The following CACNB3 variants were observed in gnomAD, a reference collection of about 807,000 sequenced individuals.
CACNB3 encodes the protein calcium voltage-gated channel auxiliary subunit beta 3.
Under a neutral mutation model 63.7 loss-of-function variants are expected in CACNB3, and 36 were observed. The ratio of observed to expected loss-of-function variants is 0.57; its 90% confidence interval spans 0.43 to 0.75. CACNB3 has a LOEUF of 0.75. Ranked by LOEUF, CACNB3 falls within the 30% of genes least tolerant of loss-of-function variation. CACNB3 has a pLI of 0.00. For synonymous variants in CACNB3, 241 were observed against 250.6 expected (o/e 0.96, Z 0.36); for missense variants, 493 against 648.6 (o/e 0.76, Z 2.61).
Position 48,828,667 on chromosome 12 carries a change from A to AG in CACNB3, c.*774dup, listed in dbSNP as rs925421485. 1.3e-5 allele frequency: 6 copies of AG among 456,264 alleles called. No homozygotes were observed. The highest frequency in any genetic ancestry group is 1.4e-4 in the East Asian group (2 of 14,406). The allele number at this position is 456,264 out of a possible 1,614,324, so 28.3% of individuals were successfully genotyped here. On this transcript the variant is annotated 3_prime_UTR_variant, in exon 13 of 13. Coordinates refer to ENST00000301050, the MANE Select transcript of CACNB3 (RefSeq NM_000725.4). Reference sequence around the variant, plus strand: ...GGAGGGCATGTGTAGCAGAGAACTTAGGGGGGCCTCCTTGCCTTTCTCATT... The same window carrying AG: ...GGAGGGCATGTGTAGCAGAGAACTTAGGGGGGGCCTCCTTGCCTTTCTCATT...
intron 12 of CACNB3, among the ~76,000 whole-genome samples, 162 bp from the exon 13 acceptor site, chr12:48,827,423 A>G (rs1268155646): frequency 6.6e-6 from 1 of 152,212 alleles, no homozygotes; most frequent in South Asian, 2.1e-4. Flanking sequence ...TCGAAGCTCC[A>G]GTTTTCTCTC....
upstream of CACNB3, chr12:48,818,317 C>A: frequency 3.8e-6 from 1 of 264,814 alleles, no homozygotes; most frequent in Non-Finnish European, 5.9e-6. This position sits in a 1 kb window ranked among gnomAD's most constrained non-coding sequence, Gnocchi z 4.3. Context: ...ACACCTGCGC[C>A]CTCTCCAGTC....
chr12:48,825,838 C>A lies in CACNB3; in HGVS notation c.742+69C>A. 8.9e-7 allele frequency: 1 copy of A among 1,129,160 alleles called. No individual in the cohort carries two copies. The highest frequency in any genetic ancestry group is 1.3e-5 in the South Asian group (1 of 77,372). 69.9% of individuals were successfully genotyped at this position (1,129,160 alleles called of 1,614,324 possible). The stretch of plus-strand genomic sequence containing the variant: ...AGTGAGAACCTTCCTCCTCCCTTTT[C>A]TTTTTTTTGAGATGGAGTCTCGCTC... On this transcript the variant is annotated intron_variant, in intron 9 of 12. Transcript: ENST00000301050. The surrounding 1 kb of genome is among the most constrained non-coding windows in gnomAD (Gnocchi z 4.5).
chr12:48,828,180 C>T lies in CACNB3; in HGVS notation c.*281C>T. The T allele has an allele frequency of 2.0e-6, 1 of 504,492 alleles. No homozygotes were observed. Among genetic ancestry groups the T allele is most frequent in the South Asian group, 2.2e-5 (1 of 45,398 alleles). The allele number at this position is 504,492 out of a possible 1,614,324, so 31.3% of individuals were successfully genotyped here. ...TCCTCTCCTCCCACACAGGAAGCTG[C>T]CCCACTGGGCAGTGCCCTCAGGCCA... On this transcript the variant is annotated 3_prime_UTR_variant, in exon 13 of 13. Transcript: ENST00000301050.
rs747607639 is a variant in CACNB3 at position 48,827,814 on chromosome 12, A to G, written c.1370A>G (p.Asp457Gly). Reference sequence around the variant, plus strand: ...AGTGCTAACGGGCATGACCCCCAAGACCGGCTTCTAGCCCAGGACTCAGAG... The same window carrying G: ...AGTGCTAACGGGCATGACCCCCAAGGCCGGCTTCTAGCCCAGGACTCAGAG... ...LPSANGHDPQ[D>G]RLLAQDSEHN... Residue 457 changes from aspartate (D) to glycine (G), a missense_variant, in exon 13 of 13, where the codon GAC (aspartate) becomes GGC (glycine). Transcript: ENST00000301050. 1 of 1,614,126 alleles carries G rather than the reference A, an allele frequency of 6.2e-7. No individual in the cohort carries two copies. The highest frequency in any genetic ancestry group is 8.5e-7 in the Non-Finnish European group (1 of 1,180,012).
Position 48,826,172 on chromosome 12 carries a change from A to G in CACNB3, c.743-195A>G. 3.3e-6 allele frequency: 2 copies of G among 602,896 alleles called. No homozygotes were observed. Among genetic ancestry groups the G allele is most frequent in the Middle Eastern group, 4.4e-4 (1 of 2,256 alleles). 37.3% of individuals were successfully genotyped at this position (602,896 alleles called of 1,614,324 possible). On this transcript the variant is annotated intron_variant, in intron 9 of 12. Transcript: ENST00000301050. This position sits in a 1 kb window ranked among gnomAD's most constrained non-coding sequence, Gnocchi z 4.8. Reference sequence around the variant, plus strand: ...CCTTACCTCCTTGTCTTTCTGCCCAACTCCTCTACCTGCCCCCAGGATTGG... The same window carrying G: ...CCTTACCTCCTTGTCTTTCTGCCCAGCTCCTCTACCTGCCCCCAGGATTGG...
intron 1 of CACNB3, among the ~76,000 whole-genome samples, chr12:48,819,205 A>G (rs1021576439): frequency 2.0e-5 from 3 of 151,940 alleles, no homozygotes; most frequent in African/African-American, 7.3e-5. Context: ...GTATAGGGGA[A>G]GGGCTCAAGC....
chr12:48,816,021 C>T (rs1323627670), upstream of CACNB3, among the ~76,000 whole-genome samples: 8 of 152,182 alleles, frequency 5.3e-5, no homozygotes, highest in East Asian at 1.9e-4. Context: ...GCTCCCCTAG[C>T]GCCTGTCCCT....
In CACNB3 at chr12:48,825,561, TAGCTAGTCTTCTCTA is replaced by T. The variant is rs1184749146; in HGVS notation, c.632+72_633-82del. The T allele has an allele frequency of 6.3e-7, 1 of 1,587,948 alleles. No homozygotes were observed. Among genetic ancestry groups the T allele is most frequent in the African/African-American group, 1.3e-5 (1 of 74,320 alleles). ...CTCATGGCCTACTTCCAGATGCCTG[TAGCTAGTCTTCTCTA>T]AGGGAAGAGTTAGTGGGAGCTGAGT... On this transcript the variant is annotated intron_variant, in intron 8 of 12. Transcript: ENST00000301050. The surrounding 1 kb of genome is among the most constrained non-coding windows in gnomAD (Gnocchi z 4.5).
chr12:48,821,896 A>G lies in CACNB3; in HGVS notation c.46-1448A>G, dbSNP rs530261512. 2.6e-5 allele frequency among the ~76,000 whole-genome samples: 4 copies of G among 152,280 alleles called. No individual in the cohort carries two copies. In the South Asian group the frequency reaches 8.3e-4, roughly 32 times the overall value. On this transcript the variant is annotated intron_variant, in intron 1 of 12. Transcript: ENST00000301050. ...GCTATCTTCAGGCCTTTGGTCTACT[A>G]TAGACACTGTCTTTAGCCTAAGGCT...
chr12:48,828,316 G>A lies in CACNB3; in HGVS notation c.*417G>A, dbSNP rs1371764615. 1 of 308,134 alleles carries A rather than the reference G, an allele frequency of 3.2e-6. No homozygotes were observed. The highest frequency in any genetic ancestry group is 6.4e-6 in the Non-Finnish European group (1 of 157,316). 19.1% of individuals were successfully genotyped at this position (308,134 alleles called of 1,614,324 possible). ...GGCATGAGGAAGAAACAAGGTCCCT[G>A]AGCAGGCACAAGTCCTGACAGTCAA... On this transcript the variant is annotated 3_prime_UTR_variant, in exon 13 of 13. Coordinates refer to ENST00000301050, the MANE Select transcript of CACNB3 (RefSeq NM_000725.4).
At chr12:48,818,358 C>T, upstream of CACNB3, 1 of 725,018 alleles carries the variant, frequency 1.4e-6, no homozygotes, top group Non-Finnish European at 1.7e-6. This position sits in a 1 kb window ranked among gnomAD's most constrained non-coding sequence, Gnocchi z 4.3. Flanking sequence ...CTCGCGGTCT[C>T]AGCGCCCCCT....
In CACNB3 at chr12:48,818,578, C is replaced by T; in HGVS notation, c.-352C>T. On this transcript the variant is annotated 5_prime_UTR_variant, in exon 1 of 13. Coordinates refer to ENST00000301050, the MANE Select transcript of CACNB3 (RefSeq NM_000725.4). This position sits in a 1 kb window ranked among gnomAD's most constrained non-coding sequence, Gnocchi z 4.3. ...GCACGGGTTCGTTCCCCTCTCCCGG[C>T]CTGGCCCGGGCTCCCCGGTGGCCGC... 7.4e-6 allele frequency: 8 copies of T among 1,079,096 alleles called. No homozygotes were observed. Among genetic ancestry groups the T allele is most frequent in the South Asian group, 3.3e-5 (1 of 30,166 alleles). 66.8% of individuals were successfully genotyped at this position (1,079,096 alleles called of 1,614,324 possible).
At chr12:48,819,470 A>C (rs891631185) in intron 1 of CACNB3, among the ~76,000 whole-genome samples, 1 of 152,126 alleles carries the variant, frequency 6.6e-6, no homozygotes, top group African/African-American at 2.4e-5. Flanking sequence ...CTTCAGACAG[A>C]CGGATCCTAA....
At position 48,827,231 on chromosome 12, in the gene CACNB3, G is replaced by A. The variant is rs1368696266; in HGVS notation, c.1140+108G>A. 5.1e-6 allele frequency: 7 copies of A among 1,359,448 alleles called. No homozygotes were observed. In the South Asian group the frequency reaches 6.6e-5, roughly 13 times the overall value. The allele number at this position is 1,359,448 out of a possible 1,614,324, so 84.2% of individuals were successfully genotyped here. On this transcript the variant is annotated intron_variant, in intron 12 of 12. Transcript: ENST00000301050. ...CTCCAGTTCAGCATGCCAAAGGATT[G>A]TAGAACTCTCAGCTCTGCTGTACAG...
At position 48,825,272 on chromosome 12, in the gene CACNB3, TCACCTCTAC is replaced by T. The variant is rs1938066981; in HGVS notation, c.573+32_573+40del. ...AGAGGAGGTCCTTGACCCCAAAGAGTCACCTCTACCAAGCCTGCCACAGGAAGTCCCTAG... is the reference window on the plus strand; with the variant it reads ...AGAGGAGGTCCTTGACCCCAAAGAGTCAAGCCTGCCACAGGAAGTCCCTAG... On this transcript the variant is annotated intron_variant, in intron 7 of 12. Transcript: ENST00000301050. The surrounding 1 kb of genome is among the most constrained non-coding windows in gnomAD (Gnocchi z 4.5). 2 of 1,604,860 alleles carry T rather than the reference TCACCTCTAC, an allele frequency of 1.2e-6. No homozygotes were observed.
chr12:48,818,344 C>T, upstream of CACNB3: 1 of 521,268 alleles, frequency 1.9e-6, no homozygotes, highest in Non-Finnish European at 2.5e-6. The surrounding 1 kb of genome is among the most constrained non-coding windows in gnomAD (Gnocchi z 4.3). Context: ...CGGGTCGCGT[C>T]TCCCTCGCGG....
In CACNB3 at chr12:48,827,891, A is replaced by G. The variant is rs1305689093; in HGVS notation, c.1447A>G (p.Ser483Gly). Residue 483 changes from serine (S) to glycine (G), a missense_variant, in exon 13 of 13, where the codon AGC (serine) becomes GGC (glycine). Ser to Gly is a moderately conservative substitution (Grantham distance 56). Coordinates refer to ENST00000301050, the MANE Select transcript of CACNB3 (RefSeq NM_000725.4). ...GCGCAACCGGCCTTGGCCCAAGGAT[A>G]GCTACTGACAGCCTCCTGCTGCCCT... ...WQRNRPWPKD[S>G]Y The G allele has an allele frequency of 2.5e-6, 4 of 1,612,196 alleles. No individual in the cohort carries two copies. The highest frequency in any genetic ancestry group is 2.7e-5 in the African/African-American group (2 of 74,896).
In CACNB3 at chr12:48,823,664, A is replaced by G; in HGVS notation, c.169-17A>G. ...TTCGAGCCTTCTCTCACTTGCACTA[A>G]TGGGCAAATTCTCCAGCACAAACCT... is the stretch of plus-strand genomic sequence containing the variant. On this transcript the variant is annotated splice_polypyrimidine_tract_variant and intron_variant, in intron 2 of 12. Transcript: ENST00000301050. The surrounding 1 kb of genome is among the most constrained non-coding windows in gnomAD (Gnocchi z 4.2). 1.2e-6 allele frequency: 2 copies of G among 1,614,072 alleles called. No homozygotes were observed. Among genetic ancestry groups the G allele is most frequent in the African/African-American group, 1.3e-5 (1 of 75,004 alleles).
Sources: allele counts gnomAD v4.1 joint callset (sites outside exome capture counted in the v4.1 genomes callset), GRCh38; gene constraint gnomAD v4.1.1; non-coding constraint Gnocchi (gnomAD v3.1); transcripts MANE v1.5; gene names NCBI Gene and HGNC (gene_info 2026-07-23, HGNC 2026-07-21).